UMAD1: variants seen among roughly 807,000 people sequenced by gnomAD.
The protein encoded by UMAD1 is UBAP1-MVB12-associated (UMA) domain containing 1, also known as UBAP1-MVB12-associated (UMA)-domain containing protein 1.
A neutral mutation model predicts 6.1 loss-of-function variants in UMAD1; 8 were observed. The observed-to-expected ratio is 1.30, with a 90% confidence interval of 0.76 to 2.35. The LOEUF (loss-of-function observed/expected upper bound fraction) is 2.35. Among genes scored for constraint, UMAD1 ranks in the 30% most tolerant of loss-of-function variants. The pLI, the probability that UMAD1 is intolerant of heterozygous loss-of-function variation, is 0.00. For synonymous variants in UMAD1, 56 were observed against 31.4 expected (o/e 1.78, Z -2.61); for missense variants, 130 against 78.4 (o/e 1.66, Z -2.49).
chr7:7,658,831 G>A (rs1040992012), intron 1 of UMAD1, among the ~76,000 whole-genome samples: 8 of 152,272 alleles, frequency 5.3e-5, no homozygotes, highest in African/African-American at 1.9e-4. Context: ...AAATGAGTTA[G>A]GGAGGAGCCC....
intron 3 of UMAD1, among the ~76,000 whole-genome samples, chr7:7,803,257 C>T (rs1782837981): frequency 6.6e-6 from 1 of 152,182 alleles, no homozygotes; most frequent in Non-Finnish European, 1.5e-5. Context: ...AAGAGGATTG[C>T]TTGAGGCTAG....
intron 1 of UMAD1, among the ~76,000 whole-genome samples, chr7:7,672,939 C>T (rs1409992462): frequency 6.6e-6 from 1 of 152,172 alleles, no homozygotes; most frequent in African/African-American, 2.4e-5. Flanking sequence ...GAAACCTGGA[C>T]AGGTCTGTTT....
intron 2 of UMAD1, among the ~76,000 whole-genome samples, chr7:7,796,500 C>A (rs528990269): frequency 6.6e-6 from 1 of 152,138 alleles, no homozygotes; most frequent in East Asian, 1.9e-4. Context: ...ATCCGCCTGC[C>A]TCGGCCTCCC....
At chr7:7,873,364 A>G (rs1464055527) in intron 3 of UMAD1, among the ~76,000 whole-genome samples, 1 of 152,138 alleles carries the variant, frequency 6.6e-6, no homozygotes, top group African/African-American at 2.4e-5. Flanking sequence ...CAGTTTTTCT[A>G]TATAAACCAG....
At chr7:7,672,078 A>C (rs1431181271) in intron 1 of UMAD1, among the ~76,000 whole-genome samples, 1 of 152,172 alleles carries the variant, frequency 6.6e-6, no homozygotes, top group Non-Finnish European at 1.5e-5. Context: ...TATAATTTTC[A>C]GTTGCTAGAA....
At chr7:7,668,269 C>T (rs28916007) in intron 1 of UMAD1, among the ~76,000 whole-genome samples, 2,815 of 152,176 alleles carry the variant, frequency 0.018, 87 homozygotes, top group African/African-American at 0.065. Context: ...TGTGGGGCTA[C>T]TGTAAGGATT....
intron 2 of UMAD1, among the ~76,000 whole-genome samples, chr7:7,695,590 G>A (rs1343403642): frequency 2.6e-5 from 4 of 152,234 alleles, no homozygotes; most frequent in East Asian, 1.9e-4. Context: ...ACTAGCAGCC[G>A]TAACACATTG....
At chr7:7,806,825 G>A (rs1782926076) in intron 3 of UMAD1, among the ~76,000 whole-genome samples, 1 of 152,144 alleles carries the variant, frequency 6.6e-6, no homozygotes, top group South Asian at 2.1e-4. Flanking sequence ...TAATGACTAA[G>A]CAATGTTGAA....
chr7:7,651,866 C>A (rs1477151175), intron 1 of UMAD1, among the ~76,000 whole-genome samples: 1 of 152,200 alleles, frequency 6.6e-6, no homozygotes, highest in Non-Finnish European at 1.5e-5. Flanking sequence ...TTCTTTCTTT[C>A]TTCTGCTCAG....
At chr7:7,763,067 A>T (rs1342224761) in intron 2 of UMAD1, among the ~76,000 whole-genome samples, 1 of 152,164 alleles carries the variant, frequency 6.6e-6, no homozygotes, top group African/African-American at 2.4e-5. Context: ...TCTCTAGCCA[A>T]ATTATATTTT....
chr7:7,659,402 G>A (rs1785420828), intron 1 of UMAD1, among the ~76,000 whole-genome samples: 2 of 152,128 alleles, frequency 1.3e-5, no homozygotes, highest in Non-Finnish European at 2.9e-5. Context: ...ACGTTAGGGT[G>A]TCGATTTTAG....
At chr7:7,842,326 T>A (rs1321144062) in intron 3 of UMAD1, among the ~76,000 whole-genome samples, 2 of 152,190 alleles carry the variant, frequency 1.3e-5, no homozygotes, top group African/African-American at 4.8e-5. Context: ...CTACACATAA[T>A]GGTTTTTATC....
intron 3 of UMAD1, among the ~76,000 whole-genome samples, chr7:7,821,036 A>G (rs1863139): frequency 0.68 from 103,343 of 152,098 alleles, 35,491 homozygotes; most frequent in Non-Finnish European, 0.72. Flanking sequence ...TTAGGATTCA[A>G]TTCCTGTTTT....
chr7:7,728,013 C>T (rs1781173940), intron 2 of UMAD1, among the ~76,000 whole-genome samples: 1 of 152,082 alleles, frequency 6.6e-6, no homozygotes, highest in East Asian at 1.9e-4. Context: ...CTAGAGAACC[C>T]TGACTAATAC....
intron 1 of UMAD1, among the ~76,000 whole-genome samples, chr7:7,641,994 G>T (rs1408260676): frequency 6.6e-6 from 1 of 152,174 alleles, no homozygotes; most frequent in East Asian, 1.9e-4. Context: ...TGTCAGTGGT[G>T]TATAAAAAAG....
At chr7:7,831,642 C>T (rs9690248) in intron 3 of UMAD1, among the ~76,000 whole-genome samples, 73,554 of 151,970 alleles carry the variant, frequency 0.48, 20,064 homozygotes, top group African/African-American at 0.74. Context: ...AACTGGGAGC[C>T]CTGATTCCCT....
intron 2 of UMAD1, among the ~76,000 whole-genome samples, chr7:7,761,182 C>G (rs986692683): frequency 6.6e-6 from 1 of 151,954 alleles, no homozygotes; most frequent in Non-Finnish European, 1.5e-5. Context: ...TCAGACAACA[C>G]GGTAAAACCC....
chr7:7,816,682 C>A (rs1440832597), intron 3 of UMAD1, among the ~76,000 whole-genome samples: 2 of 152,160 alleles, frequency 1.3e-5, no homozygotes, highest in African/African-American at 4.8e-5. Context: ...AAGTCAGAAG[C>A]CTGGGAATTA....
chr7:7,738,681 A>G (rs1212303361), intron 2 of UMAD1: 1 of 152,206 alleles, frequency 6.6e-6, no homozygotes, highest in East Asian at 1.9e-4. Flanking sequence ...ATTTCTGTAT[A>G]TGTTTCTCTT....
Sources: gnomAD v4.1 joint callset for allele counts (sites outside exome capture counted in the v4.1 genomes callset) on GRCh38, gnomAD v4.1.1 for gene constraint, MANE v1.5 for transcripts, NCBI Gene and HGNC (gene_info 2026-07-23, HGNC 2026-07-21) for gene names.